Variants in SBF2 observed in about 807,000 individuals in gnomAD.
SBF2 encodes myotubularin-related protein 13.
SBF2 carries 112 observed loss-of-function variants against 225.2 expected under a neutral mutation model. The ratio of observed to expected loss-of-function variants is 0.50; its 90% CI spans 0.43 to 0.58. The LOEUF is 0.58. Ranked by LOEUF, SBF2 falls within the 20% of genes least tolerant of loss-of-function variation. The pLI is 0.00. For missense variants in SBF2, 1,996 were observed against 2,206.2 expected (o/e 0.90, Z 1.91); for synonymous variants, 763 against 773.3 (o/e 0.99, Z 0.22).
intron 1 of SBF2, among the ~76,000 whole-genome samples, chr11:10,196,876 T>TTTTTTTC (rs71034756): frequency 2.5e-5 from 3 of 119,098 alleles, no homozygotes; most frequent in African/African-American, 9.1e-5. Context: ...ATTTTTTTTT[T>TTTTTTTC]CCTACAAAAT....
At chr11:9,934,182 C>T (rs1297242706) in intron 16 of SBF2, among the ~76,000 whole-genome samples, 2 of 152,212 alleles carry the variant, frequency 1.3e-5, no homozygotes, top group Non-Finnish European at 2.9e-5. Context: ...ATAAACACCT[C>T]TGCTCAAATA....
intron 1 of SBF2, among the ~76,000 whole-genome samples, chr11:10,196,863 T>G (rs1957383029): frequency 4.4e-5 from 1 of 22,824 alleles, no homozygotes; most frequent in African/African-American, 9.4e-5. Context: ...TATATATATA[T>G]ATATTTTTTT....
At chr11:10,274,905 G>A (rs1962838998) in intron 1 of SBF2, among the ~76,000 whole-genome samples, 1 of 152,202 alleles carries the variant, frequency 6.6e-6, no homozygotes, top group Admixed American at 6.5e-5. Context: ...TATTACTACT[G>A]TAAGTAAAAC....
chr11:10,007,656 G>A (rs1174883532), intron 6 of SBF2, among the ~76,000 whole-genome samples: 1 of 152,082 alleles, frequency 6.6e-6, no homozygotes, highest in South Asian at 2.1e-4. Flanking sequence ...TCCTTATTGG[G>A]TTTACCCTGG....
intron 2 of SBF2, among the ~76,000 whole-genome samples, chr11:10,114,346 G>A (rs1479706400): frequency 6.6e-6 from 1 of 152,048 alleles, no homozygotes. Flanking sequence ...GAAAATATAT[G>A]CTTTATCTTT....
At position 9,796,157 on chromosome 11, in the gene SBF2, G is replaced by GT. The variant is rs11416768; in HGVS notation, c.4444-201dup. On this transcript the variant is annotated intron_variant, in intron 32 of 39. Transcript: ENST00000256190. ...ACTGTGTGCCAGACACCAGACGAGG[G>GT]TTTTTTTTTTTTAAATAAACATAAT... Among the ~76,000 whole-genome samples the GT allele has an allele frequency of 0.071, 10,302 of 145,214 alleles. 911 individuals carry two copies. The highest frequency in any genetic ancestry group is 0.21 in the African/African-American group (8,577 of 40,064).
intron 2 of SBF2, among the ~76,000 whole-genome samples, chr11:10,103,968 C>A (rs557412346): frequency 2.6e-5 from 4 of 152,094 alleles, no homozygotes; most frequent in African/African-American, 9.6e-5. Flanking sequence ...CTGGAGTCCA[C>A]CCTACTCAGG....
At chr11:10,155,686 T>G (rs893543855) in intron 2 of SBF2, among the ~76,000 whole-genome samples, 3 of 152,238 alleles carry the variant, frequency 2.0e-5, no homozygotes, top group Admixed American at 2.0e-4. Context: ...TCTACCTTAT[T>G]CTAAAATAAA....
At chr11:10,301,641 T>C (rs539749269) in intron 1 of SBF2, among the ~76,000 whole-genome samples, 2 of 152,354 alleles carry the variant, frequency 1.3e-5, no homozygotes, top group South Asian at 4.1e-4. Context: ...ATTAATATCA[T>C]TGATATTTAT....
intron 28 of SBF2, among the ~76,000 whole-genome samples, chr11:9,823,023 G>A (rs1564884795): frequency 1.3e-5 from 2 of 152,076 alleles, no homozygotes; most frequent in Non-Finnish European, 2.9e-5. Flanking sequence ...AAATGTAAAG[G>A]ATGAAAAATT....
chr11:10,219,378 G>T (rs944310627), intron 1 of SBF2, among the ~76,000 whole-genome samples: 2 of 152,144 alleles, frequency 1.3e-5, no homozygotes, highest in African/African-American at 4.8e-5. Flanking sequence ...TCCCTAGACT[G>T]CACACAGCAG....
intron 2 of SBF2, among the ~76,000 whole-genome samples, chr11:10,113,044 A>G (rs1362133475): frequency 6.6e-6 from 1 of 151,882 alleles, no homozygotes; most frequent in Non-Finnish European, 1.5e-5. Flanking sequence ...CCCAGGCTGT[A>G]GGGCAGTGGA....
At chr11:9,787,050 C>T (rs1244549362) in intron 36 of SBF2, among the ~76,000 whole-genome samples, 1 of 152,152 alleles carries the variant, frequency 6.6e-6, no homozygotes, top group Admixed American at 6.5e-5. Context: ...CATGCGCCAC[C>T]ACACCCAGCT....
intron 13 of SBF2, among the ~76,000 whole-genome samples, chr11:9,975,138 A>G (rs1214605850): frequency 6.6e-6 from 1 of 152,208 alleles, no homozygotes; most frequent in Non-Finnish European, 1.5e-5. Context: ...TTGTATTACC[A>G]TATATTCCAG....
At chr11:9,876,933 T>C (rs1441377372) in intron 17 of SBF2, among the ~76,000 whole-genome samples, 5 of 152,140 alleles carry the variant, frequency 3.3e-5, no homozygotes, top group Admixed American at 3.3e-4. Context: ...AAGACAGGGT[T>C]TCACCATGTT....
At chr11:9,940,832 TAGAAA>T (rs1865210388) in intron 16 of SBF2, among the ~76,000 whole-genome samples, 1 of 151,740 alleles carries the variant, frequency 6.6e-6, no homozygotes, top group South Asian at 2.1e-4. Flanking sequence ...ATAATAAAGA[TAGAAA>T]AGAAATTAAT....
chr11:10,118,644 C>T (rs576331898), intron 2 of SBF2, among the ~76,000 whole-genome samples: 11 of 152,040 alleles, frequency 7.2e-5, no homozygotes, highest in Non-Finnish European at 1.5e-4. Flanking sequence ...GTAAAAATTG[C>T]TACCATCCAT....
chr11:10,106,912 A>G (rs1324628743), intron 2 of SBF2, among the ~76,000 whole-genome samples: 1 of 152,200 alleles, frequency 6.6e-6, no homozygotes, highest in Non-Finnish European at 1.5e-5. Flanking sequence ...TGAGCTCATA[A>G]AAATGCTCAA....
At chr11:10,009,152 T>A (rs1948332421) in intron 6 of SBF2, among the ~76,000 whole-genome samples, 3 of 152,328 alleles carry the variant, frequency 2.0e-5, no homozygotes, top group Middle Eastern at 6.8e-3. Context: ...AAGGGTGAAC[T>A]GCCCATGGAC....
Sources: allele counts gnomAD v4.1 joint callset (sites outside exome capture counted in the v4.1 genomes callset), GRCh38; gene constraint gnomAD v4.1.1; transcripts MANE v1.5; gene names NCBI Gene and HGNC (gene_info 2026-07-23, HGNC 2026-07-21).